Variants in KLHL1 observed in about 807,000 individuals in gnomAD.
The protein encoded by KLHL1 is kelch like family member 1, also known as kelch-like protein 1.
KLHL1 carries 47 observed loss-of-function variants against 77.7 expected under a neutral mutation model. The observed-to-expected ratio is 0.60, with a 90% CI of 0.48 to 0.77. The LOEUF (loss-of-function observed/expected upper bound fraction) is 0.77. KLHL1 is among the 30% of genes least tolerant of loss of function. The probability of loss-of-function intolerance (pLI) is 0.00; values close to 1 mark genes in which losing one functional copy is unlikely to be tolerated. For synonymous variants in KLHL1, 360 were observed against 325.2 expected (o/e 1.11, Z -1.15); for missense variants, 925 against 910.8 (o/e 1.02, Z -0.20).
chr13:69,883,422 A>G (rs1230146977), intron 4 of KLHL1, among the ~76,000 whole-genome samples: 5 of 152,166 alleles, frequency 3.3e-5, no homozygotes, highest in Admixed American at 2.6e-4. Flanking sequence ...TCAAGATTCA[A>G]TGCAAGACTT....
intron 1 of KLHL1, among the ~76,000 whole-genome samples, chr13:69,991,236 TGAG>T (rs1444162470): frequency 1.3e-5 from 2 of 151,532 alleles, no homozygotes; most frequent in Admixed American, 1.3e-4. Context: ...AACATCACAA[TGAG>T]GAGAACTAGA....
At chr13:69,855,946 TTA>T (rs1026131722) in intron 5 of KLHL1, among the ~76,000 whole-genome samples, 1 of 147,516 alleles carries the variant, frequency 6.8e-6, no homozygotes, top group Non-Finnish European at 1.5e-5. Context: ...GTTTTATATA[TTA>T]TATATGTTAT....
intron 1 of KLHL1, among the ~76,000 whole-genome samples, chr13:70,101,284 T>A (rs988417933): frequency 2.6e-5 from 4 of 152,016 alleles, no homozygotes; most frequent in Non-Finnish European, 5.9e-5. Context: ...AACTAGCATG[T>A]TTCATTGTTG....
At chr13:70,052,807 G>A (rs1023601890) in intron 1 of KLHL1, among the ~76,000 whole-genome samples, 5 of 151,778 alleles carry the variant, frequency 3.3e-5, no homozygotes, top group African/African-American at 1.2e-4. Flanking sequence ...AGCAACAAGT[G>A]CAAAGGCCTG....
intron 1 of KLHL1, among the ~76,000 whole-genome samples, chr13:70,099,206 A>G (rs1297049259): frequency 1.3e-5 from 2 of 151,898 alleles, no homozygotes; most frequent in Non-Finnish European, 2.9e-5. Context: ...TACAGTGAAC[A>G]CTACTATTAT....
intron 1 of KLHL1, among the ~76,000 whole-genome samples, chr13:70,002,377 T>A (rs1885314402): frequency 1.3e-5 from 2 of 151,354 alleles, no homozygotes; most frequent in Admixed American, 6.6e-5. Flanking sequence ...TTGGATTGGT[T>A]GGAGTTGGCA....
At chr13:69,997,089 C>T (rs746679437) in intron 1 of KLHL1, among the ~76,000 whole-genome samples, 10 of 150,722 alleles carry the variant, frequency 6.6e-5, no homozygotes, top group Admixed American at 4.0e-4. Context: ...GATGTGGTGG[C>T]GCATGTCTGT....
intron 8 of KLHL1, among the ~76,000 whole-genome samples, chr13:69,721,384 A>C (rs545059121): frequency 2.2e-4 from 33 of 151,438 alleles, no homozygotes; most frequent in Non-Finnish European, 4.1e-4. Context: ...CACCTTTGGC[A>C]CACATTGTCA....
intron 7 of KLHL1, among the ~76,000 whole-genome samples, chr13:69,757,949 C>T (rs916184102): frequency 9.7e-6 from 1 of 103,218 alleles, no homozygotes; most frequent in African/African-American, 4.4e-5. Context: ...AAGAGCGAAA[C>T]TCCATCTCAA....
rs866770053 is a variant in KLHL1 at position 70,094,471 on chromosome 13, A to G, written c.497+12732T>C. 4.9e-4 allele frequency among the ~76,000 whole-genome samples: 74 copies of G among 150,758 alleles called. 1 individual carries two copies. Among genetic ancestry groups the G allele is most frequent in the African/African-American group, 1.7e-3 (68 of 40,466 alleles). ...ATTTTGAAAAGGAAAGCTGCTTGGG[A>G]AAAAGCAAAAAGTGTGTCTCATAAA... On this transcript the variant is annotated intron_variant, in intron 1 of 10. Coordinates refer to ENST00000377844, the MANE Select transcript of KLHL1 (RefSeq NM_020866.3).
At chr13:69,957,970 T>C (rs553580898) in intron 3 of KLHL1, among the ~76,000 whole-genome samples, 18 of 151,940 alleles carry the variant, frequency 1.2e-4, no homozygotes, top group African/African-American at 4.3e-4. Context: ...ACTGAACTTA[T>C]GTTGTCGTTT....
intron 1 of KLHL1, among the ~76,000 whole-genome samples, chr13:69,988,258 C>CTA (rs1185362214): frequency 3.3e-5 from 5 of 152,064 alleles, no homozygotes; most frequent in African/African-American, 1.2e-4. Flanking sequence ...GAATAATGGC[C>CTA]TACAGTTCCT....
chr13:70,046,189 C>A (rs1197982505), intron 1 of KLHL1, among the ~76,000 whole-genome samples: 1 of 151,492 alleles, frequency 6.6e-6, no homozygotes, highest in Non-Finnish European at 1.5e-5. Flanking sequence ...AGTAACATTT[C>A]TTGTGTTTGT....
intron 4 of KLHL1, among the ~76,000 whole-genome samples, chr13:69,935,736 T>C (rs1421245710): frequency 6.6e-6 from 1 of 152,236 alleles, no homozygotes; most frequent in East Asian, 1.9e-4. Context: ...GCTAGAACTG[T>C]ATGAACAGGG....
chr13:70,082,298 C>G (rs1320599814), intron 1 of KLHL1, among the ~76,000 whole-genome samples: 1 of 148,404 alleles, frequency 6.7e-6, no homozygotes, highest in African/African-American at 2.5e-5. Flanking sequence ...GGAGCCCTTC[C>G]TCCTTGGACC....
intron 1 of KLHL1, among the ~76,000 whole-genome samples, chr13:69,988,196 A>G (rs1317697130): frequency 1.3e-5 from 2 of 152,022 alleles, no homozygotes; most frequent in Non-Finnish European, 2.9e-5. Flanking sequence ...GCTACTTATA[A>G]GTGAGAATGT....
chr13:69,716,902 C>G (rs562977157), intron 9 of KLHL1, among the ~76,000 whole-genome samples: 2 of 152,120 alleles, frequency 1.3e-5, no homozygotes, highest in Admixed American at 6.6e-5. Flanking sequence ...TCTCCTGAAA[C>G]TCAATGCACA....
chr13:69,882,454 G>T lies in KLHL1; in HGVS notation c.1056C>A (p.Leu352=). ...GTTTATGGAGCTCCTCAGCTGGAAG[G>T]AGTAAAAACTCTTGATTTCTGATAA... ...MEVIRNQEFL[L]LPAEELHKLL... Residue 352 remains leucine (L), a synonymous_variant, in exon 5 of 11, where the codon CTC becomes CTA. Coordinates refer to ENST00000377844, the MANE Select transcript of KLHL1 (RefSeq NM_020866.3). 1.2e-6 allele frequency: 2 copies of T among 1,613,760 alleles called. No individual in the cohort carries two copies. Among genetic ancestry groups the T allele is most frequent in the Non-Finnish European group, 1.7e-6 (2 of 1,179,690 alleles).
intron 1 of KLHL1, among the ~76,000 whole-genome samples, chr13:69,976,353 A>T (rs2137292744): frequency 6.6e-6 from 1 of 152,140 alleles, no homozygotes; most frequent in South Asian, 2.1e-4. Flanking sequence ...CTATTAAACA[A>T]AAAAGTAGAA....
Sources: allele counts gnomAD v4.1 joint callset (sites outside exome capture counted in the v4.1 genomes callset), GRCh38; gene constraint gnomAD v4.1.1; transcripts MANE v1.5; gene names NCBI Gene and HGNC (gene_info 2026-07-23, HGNC 2026-07-21).